The following PFKP variants were observed in gnomAD, a reference collection of about 807,000 sequenced individuals.
PFKP encodes the protein phosphofructokinase, platelet.
PFKP carries 101 observed loss-of-function variants against 94.3 expected under a neutral mutation model. The observed-to-expected ratio is 1.07, with a 90% CI of 0.91 to 1.26. PFKP has a LOEUF of 1.26. Among genes scored for constraint, PFKP ranks in the 50% most tolerant of loss-of-function variants. The pLI is 0.00. For missense variants in PFKP, 1,145 were observed against 1,103.3 expected, an observed-to-expected ratio of 1.04 and a Z score of -0.53; for synonymous variants, 573 against 432.6, an observed-to-expected ratio of 1.32 and a Z score of -4.03.
At chr10:3,105,236 C>T in intron 6 of PFKP, 77 bp downstream of exon 6, 1 of 1,434,592 alleles carries the variant, frequency 7.0e-7, no homozygotes, top group Non-Finnish European at 9.8e-7. Context: ...GGCTGCACCC[C>T]ACATCCTGAA....
At chr10:3,116,147 T>C (rs1360037351) in intron 13 of PFKP, among the ~76,000 whole-genome samples, 1 of 152,090 alleles carries the variant, frequency 6.6e-6, no homozygotes, top group Non-Finnish European at 1.5e-5. Flanking sequence ...TATATATATA[T>C]ACATACACAC....
intron 1 of PFKP, among the ~76,000 whole-genome samples, chr10:3,077,704 GC>G (rs1347529338): frequency 6.6e-6 from 1 of 152,146 alleles, no homozygotes; most frequent in African/African-American, 2.4e-5. Flanking sequence ...TGCTTGCTAG[GC>G]CCTGGTGTAG....
intron 16 of PFKP, among the ~76,000 whole-genome samples, chr10:3,123,996 C>T (rs952301236): frequency 2.0e-5 from 3 of 151,706 alleles, no homozygotes; most frequent in Non-Finnish European, 4.4e-5. Context: ...GGTCACCCAG[C>T]ACTGACCCAC....
Position 3,103,825 on chromosome 10 carries a change from G to C in PFKP, c.501G>C (p.Val167=). The C allele has an allele frequency of 6.2e-7, 1 of 1,614,044 alleles. No individual in the cohort carries two copies. ...EAVQKYAYLN[V]VGMVGSIDND... is the part of the protein sequence containing the mutation. ...TGCAGAAGTACGCCTACCTCAACGT[G>C]GTGGGCATGGTGGGCTCCATCGACA... The change falls in exon 5 of 22, where the codon GTG becomes GTC. Residue 167 remains valine, a synonymous_variant. Coordinates refer to ENST00000381125, the MANE Select transcript of PFKP (RefSeq NM_002627.5).
At chr10:3,090,893 G>C (rs1346373815) in intron 2 of PFKP, among the ~76,000 whole-genome samples, 1 of 152,050 alleles carries the variant, frequency 6.6e-6, no homozygotes, top group Non-Finnish European at 1.5e-5. Flanking sequence ...CTATACTCTA[G>C]TTTCTAACCT....
At chr10:3,089,362 G>A (rs867387760) in intron 2 of PFKP, among the ~76,000 whole-genome samples, 23 of 152,256 alleles carry the variant, frequency 1.5e-4, no homozygotes, top group Middle Eastern at 3.4e-3. Flanking sequence ...CCATTTATCC[G>A]CTGACGGGCG....
chr10:3,077,928 A>G (rs914083333), intron 1 of PFKP, among the ~76,000 whole-genome samples: 2 of 152,206 alleles, frequency 1.3e-5, no homozygotes. Flanking sequence ...TTCCCTGAAA[A>G]CTGGGATTTT....
chr10:3,108,952 G>A (rs760584603), intron 9 of PFKP, among the ~76,000 whole-genome samples, 159 bp downstream of exon 9: 1 of 152,150 alleles, frequency 6.6e-6, no homozygotes, highest in Non-Finnish European at 1.5e-5. Context: ...CTTTGGTGTA[G>A]ACCAGTCTCT....
chr10:3,069,181 CCCGCCCCGCAGCCCGCCCTGCA>C, intron 1 of PFKP: 2 of 1,218,648 alleles, frequency 1.6e-6, no homozygotes, highest in Non-Finnish European at 2.1e-6. Context: ...AGCGCCAGGC[CCCGCCCCGCAGCCCGCCCTGCA>C]GCGCCCCCGG....
At chr10:3,116,102 A>G (rs200974548) in intron 13 of PFKP, among the ~76,000 whole-genome samples, 9,527 of 39,264 alleles carry the variant, frequency 0.24, 347 homozygotes, top group Non-Finnish European at 0.28. Context: ...TTTATGTGGG[A>G]AAAAAAAGCC....
chr10:3,134,724 ATC>A, intron 20 of PFKP, 142 bp downstream of exon 20: 5 of 584,408 alleles, frequency 8.6e-6, no homozygotes, highest in Middle Eastern at 4.7e-4. Flanking sequence ...TTTACTCCTG[ATC>A]TCTGAGTGTT....
In PFKP at chr10:3,099,316, G is replaced by T. The variant is rs1340506501; in HGVS notation, c.228G>T (p.Glu76Asp). 1 of 1,614,182 alleles carries T rather than the reference G, an allele frequency of 6.2e-7. No homozygotes were observed. Among genetic ancestry groups the T allele is most frequent in the Admixed American group, 1.7e-5 (1 of 60,024 alleles). The change falls in exon 3 of 22, where the codon GAG (glutamate) becomes GAT (aspartate). Residue 76 changes from glutamate to aspartate, a missense_variant. Around this residue, in one of 3 missense-constraint regions of PFKP, gnomAD observed 1,119 missense variants for 1,062.8 expected, o/e 1.05. Coordinates refer to ENST00000381125, the MANE Select transcript of PFKP (RefSeq NM_002627.5). The part of the protein sequence containing the change: ...GMVDGGSNIA[E>D]ADWESVSSIL... Reference sequence around the variant, plus strand: ...TGGACGGAGGCTCAAACATCGCAGAGGCCGACTGGGAGAGTGTCTCCAGCA... The same window carrying T: ...TGGACGGAGGCTCAAACATCGCAGATGCCGACTGGGAGAGTGTCTCCAGCA...
intron 1 of PFKP, among the ~76,000 whole-genome samples, chr10:3,068,353 GC>G (rs1210628092): frequency 6.6e-6 from 1 of 152,190 alleles, no homozygotes; most frequent in Non-Finnish European, 1.5e-5. Flanking sequence ...GGGCGGTCCG[GC>G]AGCCCCTCGC....
rs933623128 is a variant in PFKP, at chr10:3,101,638, G to C, written c.454+84G>C. On this transcript the variant is annotated intron_variant, in intron 4 of 21. Coordinates refer to ENST00000381125, the MANE Select transcript of PFKP (RefSeq NM_002627.5). ...ACCGACAGGTTTCCCTCTTCACTGT[G>C]GCAGAAGTACCTCTTCTCACAGATC... 5 of 958,590 alleles carry C rather than the reference G, an allele frequency of 5.2e-6. No homozygotes were observed. In the African/African-American group the frequency reaches 8.4e-5, roughly 16 times the overall value. 59.4% of individuals were successfully genotyped at this position (958,590 alleles called of 1,614,324 possible). A position where few individuals can be genotyped will look rare whatever the true frequency, so the allele number is the denominator to read the frequency against.
Position 3,125,059 on chromosome 10 carries a change from C to G in PFKP, c.1684-4760C>G, listed in dbSNP as rs771434611. On this transcript the variant is annotated intron_variant, in intron 16 of 21. Transcript: ENST00000381125. ...GGCCCTGGGGCTGGCAGGTGAGCAC[C>G]CGGCACCCCCGCTAACCGCTTGGCC... 7.6e-6 allele frequency: 9 copies of G among 1,188,506 alleles called. No individual in the cohort carries two copies. The East Asian group carries it at 6.6e-4, about 86-fold the overall frequency. The allele number at this position is 1,188,506 out of a possible 1,614,324, so 73.6% of individuals were successfully genotyped here.
chr10:3,077,481 T>A (rs916897955), intron 1 of PFKP, among the ~76,000 whole-genome samples: 1 of 151,858 alleles, frequency 6.6e-6, no homozygotes, highest in Non-Finnish European at 1.5e-5. Flanking sequence ...TTAGCCAGGA[T>A]GGTCTCGATC....
Position 3,107,239 on chromosome 10 carries a change from A to G in PFKP, c.800A>G (p.Asn267Ser). Residue 267 changes from asparagine (N) to serine (S), a missense_variant, in exon 8 of 22, where the codon AAT becomes AGT. Coordinates refer to ENST00000381125, the MANE Select transcript of PFKP (RefSeq NM_002627.5). ...SENRARKKRLNIIIVAEGAID... is the reference protein window; with the variant it reads ...SENRARKKRLSIIIVAEGAID... ...AACCGTGCCCGGAAAAAAAGGCTGA[A>G]TATTATTATTGTGGCTGAAGGAGCA... 1 of 1,611,394 alleles carries G rather than the reference A, an allele frequency of 6.2e-7. No homozygotes were observed.
rs34485324 is a variant in PFKP at position 3,077,261 on chromosome 10, C to CTT, written c.113-5109_113-5108dup. 3.1e-3 allele frequency among the ~76,000 whole-genome samples: 264 copies of CTT among 84,258 alleles called. 18 individuals carry two copies. The highest frequency in any genetic ancestry group is 0.01 in the African/African-American group (197 of 19,658). The allele number at this position is 84,258 out of a possible 152,430, so 55.3% of individuals were successfully genotyped here. ...CATCTATTCTTTACTTTTTTTTTTT[C>CTT]TTTTTTTTTTTTTTTTTTTGAGATG... On this transcript the variant is annotated intron_variant, in intron 1 of 21. Transcript: ENST00000381125.
At position 3,110,365 on chromosome 10, in the gene PFKP, AT is replaced by A. The variant is rs57980780; in HGVS notation, c.1089+909del. Among the ~76,000 whole-genome samples the A allele has an allele frequency of 3.5e-3, 321 of 92,558 alleles. 2 individuals carry two copies. Among genetic ancestry groups the A allele is most frequent in the African/African-American group, 0.011 (267 of 24,300 alleles). 60.7% of individuals were successfully genotyped at this position (92,558 alleles called of 152,430 possible). A position where few individuals can be genotyped will look rare whatever the true frequency, so the allele number is the denominator to read the frequency against. On this transcript the variant is annotated intron_variant, in intron 10 of 21. Coordinates refer to ENST00000381125, the MANE Select transcript of PFKP (RefSeq NM_002627.5). ...AGGTGCCCACCACCACGCCTGGCTA[AT>A]TTTTTTTTTTTTTTTTTTTTTTTGT...
Sources: gnomAD v4.1 joint callset for allele counts (sites outside exome capture counted in the v4.1 genomes callset) on GRCh38, gnomAD v4.1.1 for gene constraint, gnomAD v4.1.1 regional missense constraint, MANE v1.5 for transcripts, NCBI Gene and HGNC (gene_info 2026-07-23, HGNC 2026-07-21) for gene names.